The following DNM3 variants were observed in gnomAD, a reference collection of about 807,000 sequenced individuals.
The protein encoded by DNM3 is dynamin-3.
Under a neutral mutation model 101.6 loss-of-function variants are expected in DNM3, and 47 were observed. That is an observed-to-expected ratio of 0.46 (90% CI 0.37 to 0.59). The LOEUF (loss-of-function observed/expected upper bound fraction) is 0.59, where lower values mean the gene tolerates loss of function less well. Ranked by LOEUF, DNM3 falls within the 20% of genes least tolerant of loss-of-function variation. The pLI is 0.00. For synonymous variants in DNM3, 385 were observed against 387.9 expected (o/e 0.99, Z 0.09); for missense variants, 849 against 1,085.7 (o/e 0.78, Z 3.06).
At chr1:171,978,817 G>C (rs1168571083) in intron 2 of DNM3, among the ~76,000 whole-genome samples, 1 of 152,134 alleles carries the variant, frequency 6.6e-6, no homozygotes, top group Non-Finnish European at 1.5e-5. Context: ...GTTTGGAAGA[G>C]AGCTGAGGAA....
intron 17 of DNM3, among the ~76,000 whole-genome samples, chr1:172,329,360 C>G (rs1003910168): frequency 6.6e-6 from 1 of 151,846 alleles, no homozygotes; most frequent in African/African-American, 2.4e-5. Flanking sequence ...AAAATACATT[C>G]CAAAATAGAT....
intron 12 of DNM3, among the ~76,000 whole-genome samples, chr1:172,086,395 T>C (rs2053534350): frequency 6.6e-6 from 1 of 152,136 alleles, no homozygotes; most frequent in Non-Finnish European, 1.5e-5. Flanking sequence ...CTTTCTTGGA[T>C]AATATAAAAG....
At chr1:172,235,084 T>A (rs532914085) in intron 14 of DNM3, among the ~76,000 whole-genome samples, 1 of 151,858 alleles carries the variant, frequency 6.6e-6, no homozygotes, top group Non-Finnish European at 1.5e-5. Flanking sequence ...TGGGAGAAAA[T>A]TTTTGCAATC....
chr1:172,059,343 T>G (rs1428703701), intron 10 of DNM3, among the ~76,000 whole-genome samples: 2 of 125,490 alleles, frequency 1.6e-5, no homozygotes, highest in Admixed American at 1.7e-4. Context: ...TAACTCATTT[T>G]ATGAGGCCAG....
At chr1:172,228,191 A>C (rs1293328813) in intron 14 of DNM3, among the ~76,000 whole-genome samples, 1 of 151,772 alleles carries the variant, frequency 6.6e-6, no homozygotes, top group Non-Finnish European at 1.5e-5. Context: ...TTCAGGTTTT[A>C]TGCCAAATGT....
At chr1:172,204,823 C>T (rs1488387875) in intron 14 of DNM3, among the ~76,000 whole-genome samples, 3 of 152,120 alleles carry the variant, frequency 2.0e-5, no homozygotes, top group Non-Finnish European at 4.4e-5. Flanking sequence ...CTACCCTCCA[C>T]ACCACATTGT....
chr1:172,169,311 C>G (rs555426081), intron 14 of DNM3, among the ~76,000 whole-genome samples: 1 of 152,040 alleles, frequency 6.6e-6, no homozygotes, highest in African/African-American at 2.4e-5. Context: ...GCCACTTGGG[C>G]TCCTAATTAC....
At chr1:172,318,682 G>C (rs1262085036) in intron 16 of DNM3, among the ~76,000 whole-genome samples, 3 of 152,144 alleles carry the variant, frequency 2.0e-5, no homozygotes, top group Admixed American at 2.0e-4. Context: ...GCTTACAAGG[G>C]ACGTGAAGGA....
At chr1:172,030,002 G>A (rs12027260) in intron 4 of DNM3, among the ~76,000 whole-genome samples, 56,841 of 151,980 alleles carry the variant, frequency 0.37, 11,128 homozygotes, top group East Asian at 0.63. Flanking sequence ...TATAGATTCA[G>A]TGCTACCTCT....
intron 18 of DNM3, 77 bp from the exon 19 acceptor site, chr1:172,387,056 A>T: frequency 8.0e-7 from 1 of 1,254,676 alleles, no homozygotes; most frequent in Non-Finnish European, 1.2e-6. Context: ...CCAGACTCTG[A>T]CTGCCACAGC....
At chr1:172,194,031 A>T (rs1238754889) in intron 14 of DNM3, among the ~76,000 whole-genome samples, 1 of 152,072 alleles carries the variant, frequency 6.6e-6, no homozygotes, top group Non-Finnish European at 1.5e-5. Context: ...CACTGCTTTA[A>T]ATGTGTCCCA....
At chr1:172,092,911 C>G in intron 13 of DNM3, 36 bp downstream of exon 13, 1 of 1,518,794 alleles carries the variant, frequency 6.6e-7, no homozygotes, top group Non-Finnish European at 8.9e-7. Context: ...GTATGCATGT[C>G]CCAAAGAATT....
intron 1 of DNM3, among the ~76,000 whole-genome samples, chr1:171,860,024 T>G (rs10798722): frequency 0.72 from 109,836 of 151,940 alleles, 39,971 homozygotes; most frequent in East Asian, 0.82. Context: ...GGCTCTGTTG[T>G]TGCCAAAAAT....
chr1:172,149,823 CT>C (rs930420223), intron 14 of DNM3, among the ~76,000 whole-genome samples: 11 of 148,776 alleles, frequency 7.4e-5, no homozygotes, highest in South Asian at 2.1e-4. Flanking sequence ...ACAGAAACTA[CT>C]TTTTTTTTTG....
intron 1 of DNM3, among the ~76,000 whole-genome samples, chr1:171,914,489 A>T (rs541196438): frequency 6.6e-6 from 1 of 152,204 alleles, no homozygotes; most frequent in African/African-American, 2.4e-5. Flanking sequence ...AAAAAATTTT[A>T]AAAATATATT....
intron 15 of DNM3, among the ~76,000 whole-genome samples, chr1:172,274,744 T>C (rs1028459201): frequency 6.6e-6 from 1 of 151,530 alleles, no homozygotes; most frequent in Non-Finnish European, 1.5e-5. Flanking sequence ...TTTTTTAATT[T>C]TCAATTACTT....
chr1:172,298,219 T>C (rs1422534659), intron 15 of DNM3, among the ~76,000 whole-genome samples: 1 of 152,214 alleles, frequency 6.6e-6, no homozygotes, highest in Non-Finnish European at 1.5e-5. Flanking sequence ...GATGGACTGC[T>C]GTGATTGCTT....
rs2045355165 is a variant in DNM3 at position 171,987,675 on chromosome 1, T to C, written c.255T>C (p.His85=). Residue 85 remains histidine (H), a synonymous_variant, in exon 3 of 21, where the codon CAT becomes CAC. Coordinates refer to ENST00000627582, the MANE Select transcript of DNM3 (RefSeq NM_015569.5). ...TTGTAGAATATGCCGAGTTTCTACATTGCAAAGGAAAGAAATTTACAGATT... is the reference window on the plus strand; with the variant it reads ...TTGTAGAATATGCCGAGTTTCTACACTGCAAAGGAAAGAAATTTACAGATT... ...TSKAEYAEFL[H]CKGKKFTDFD... is the part of the protein sequence containing the mutation. 6.3e-7 allele frequency: 1 copy of C among 1,589,828 alleles called. No individual in the cohort carries two copies. Among genetic ancestry groups the C allele is most frequent in the South Asian group, 1.2e-5 (1 of 85,766 alleles).
chr1:172,075,757 A>C (rs2125967195), intron 11 of DNM3, among the ~76,000 whole-genome samples: 1 of 152,332 alleles, frequency 6.6e-6, no homozygotes, highest in Middle Eastern at 3.4e-3. Context: ...TGATGCCTCC[A>C]GCTTTGTACT....
Sources: gnomAD v4.1 joint callset for allele counts (sites outside exome capture counted in the v4.1 genomes callset) on GRCh38, gnomAD v4.1.1 for gene constraint, MANE v1.5 for transcripts, NCBI Gene and HGNC (gene_info 2026-07-23, HGNC 2026-07-21) for gene names.